SLCO1A2: variants seen among roughly 807,000 people sequenced by gnomAD.
SLCO1A2 encodes solute carrier organic anion transporter family member 1A2.
Under a neutral mutation model 69.0 loss-of-function variants are expected in SLCO1A2, and 67 were observed. The observed-to-expected ratio is 0.97, with a 90% CI of 0.80 to 1.19. The LOEUF (loss-of-function observed/expected upper bound fraction) is 1.19, where lower values mean the gene tolerates loss of function less well. SLCO1A2 is among the 50% of genes most tolerant of loss of function. SLCO1A2 has a pLI of 0.00. For synonymous variants in SLCO1A2, 260 were observed against 265.9 expected, an observed-to-expected ratio of 0.98 and a Z score of 0.22; for missense variants, 787 against 793.7, an observed-to-expected ratio of 0.99 and a Z score of 0.10.
chr12:21,372,008 A>C (rs937130764), intron 2 of SLCO1A2, among the ~76,000 whole-genome samples: 1 of 146,622 alleles, frequency 6.8e-6, no homozygotes, highest in African/African-American at 2.8e-5. Flanking sequence ...CATCTCAAAA[A>C]AAAAGAAAAA....
chr12:21,394,827 AATAAT>A (rs1202703702), intron 1 of SLCO1A2: 5 of 152,196 alleles, frequency 3.3e-5, no homozygotes, highest in Non-Finnish European at 5.9e-5. Flanking sequence ...CACTCAAGCC[AATAAT>A]ATCAATTGCT....
chr12:21,411,840 C>T (rs1306764734), intron 1 of SLCO1A2, among the ~76,000 whole-genome samples: 1 of 151,942 alleles, frequency 6.6e-6, no homozygotes, highest in Non-Finnish European at 1.5e-5. Context: ...CACTCCACCA[C>T]GCCCAGCTAA....
chr12:21,349,282 G>C (rs762697993), intron 2 of SLCO1A2, among the ~76,000 whole-genome samples: 5 of 152,064 alleles, frequency 3.3e-5, no homozygotes, highest in Non-Finnish European at 7.4e-5. Context: ...AGTTGGGGAG[G>C]GGGAAAGATA....
intron 14 of SLCO1A2, among the ~76,000 whole-genome samples, chr12:21,271,735 T>G (rs757879072): frequency 1.8e-4 from 26 of 148,374 alleles, no homozygotes; most frequent in Non-Finnish European, 3.0e-4. Flanking sequence ...ATGTTGCATA[T>G]GTATATTTAC....
rs897927917 is a variant in SLCO1A2 at position 21,373,335 on chromosome 12, AG to A, written c.-63+1063del. The A allele has an allele frequency of 9.5e-6, 15 of 1,578,620 alleles. No individual in the cohort carries two copies. In the African/African-American group the frequency reaches 1.2e-4, roughly 13 times the overall value. On this transcript the variant is annotated intron_variant, in intron 2 of 15. Transcript: ENST00000307378. ...ATTTCAGTGCTGGATTATTCTTTGC[AG>A]AAAATTTGAGAAGCAATGGGCATCC...
chr12:21,363,486 C>G (rs951449801), intron 2 of SLCO1A2, among the ~76,000 whole-genome samples: 8 of 152,070 alleles, frequency 5.3e-5, no homozygotes, highest in Admixed American at 1.3e-4. Flanking sequence ...ATTAAAAGAA[C>G]TACAGAAGCA....
chr12:21,299,787 TATACAC>T (rs370976640), intron 8 of SLCO1A2, among the ~76,000 whole-genome samples: 76 of 116,498 alleles, frequency 6.5e-4, no homozygotes, highest in African/African-American at 2.9e-3. Context: ...TATATATATA[TATACAC>T]ACACACGTAT....
In SLCO1A2 at chr12:21,340,630, G is replaced by T. The variant is rs138819907; in HGVS notation, c.-62-5921C>A. Among the ~76,000 whole-genome samples the T allele has an allele frequency of 2.8e-4, 43 of 152,030 alleles. No homozygotes were observed. The East Asian group carries it at 6.6e-3, about 23-fold the overall frequency. ...GACCACATGGAAAGTCCTTCTATTT[G>T]GAGTTTCACTATGAGGAAATCCACT... On this transcript the variant is annotated intron_variant, in intron 2 of 15. Coordinates refer to the SLCO1A2 transcript ENST00000307378.
intron 2 of SLCO1A2, among the ~76,000 whole-genome samples, chr12:21,351,605 A>G (rs560493508): frequency 6.6e-6 from 1 of 151,870 alleles, no homozygotes; most frequent in Non-Finnish European, 1.5e-5. Flanking sequence ...GTGAAACTCC[A>G]TCTCTACTAA....
intron 2 of SLCO1A2, among the ~76,000 whole-genome samples, chr12:21,343,467 C>T (rs1455106913): frequency 6.6e-6 from 1 of 152,056 alleles, no homozygotes; most frequent in African/African-American, 2.4e-5. Flanking sequence ...TTCTTTCTTG[C>T]TTCTCAAGTG....
At chr12:21,318,411 G>A (rs1017656735) in intron 3 of SLCO1A2, among the ~76,000 whole-genome samples, 25 of 152,064 alleles carry the variant, frequency 1.6e-4, no homozygotes, top group African/African-American at 4.8e-4. Flanking sequence ...GAGCCACCTC[G>A]CCCGGCGGTC....
Position 21,268,963 on chromosome 12 carries a change from T to C in SLCO1A2, c.*585A>G, listed in dbSNP as rs1942349588. ...ACAAATTGAGCAAATGTATGAGTAA[T>C]AAAGAAAAGAAAAAATTGAAAGTAG... On this transcript the variant is annotated 3_prime_UTR_variant, in exon 15 of 15. Transcript: ENST00000683939. 1 of 151,778 alleles carries C rather than the reference T, an allele frequency of 6.6e-6. No homozygotes were observed. The highest frequency in any genetic ancestry group is 2.1e-4 in the South Asian group (1 of 4,824). 9.4% of individuals were successfully genotyped at this position (151,778 alleles called of 1,614,324 possible). A position where few individuals can be genotyped will look rare whatever the true frequency, so the allele number is the denominator to read the frequency against.
intron 2 of SLCO1A2, among the ~76,000 whole-genome samples, chr12:21,368,038 C>T (rs77247085): frequency 0.038 from 5,804 of 152,110 alleles, 153 homozygotes; most frequent in African/African-American, 0.069. Context: ...CAATTATCAG[C>T]AAAGATTGCT....
Position 21,267,523 on chromosome 12 carries a change from A to G in SLCO1A2, c.*2025T>C, listed in dbSNP as rs370294852. 11 of 152,288 alleles carry G rather than the reference A, an allele frequency of 7.2e-5. No individual in the cohort carries two copies. The East Asian group carries it at 1.5e-3, about 21-fold the overall frequency. 9.4% of individuals were successfully genotyped at this position (152,288 alleles called of 1,614,324 possible). A position where few individuals can be genotyped will look rare whatever the true frequency, so the allele number is the denominator to read the frequency against. On this transcript the variant is annotated 3_prime_UTR_variant, in exon 15 of 15. Coordinates refer to ENST00000683939, the MANE Select transcript of SLCO1A2 (RefSeq NM_001386879.1). ...CCTTGAATCCGTAAGAACTAACCTC[A>G]TTATGTCCTCTGCCCCCATTTATGT...
chr12:21,272,254 T>C (rs1011630145), intron 14 of SLCO1A2, among the ~76,000 whole-genome samples: 1 of 151,840 alleles, frequency 6.6e-6, no homozygotes, highest in African/African-American at 2.4e-5. Context: ...TTCATACAGA[T>C]TATATATGTT....
chr12:21,268,414 T>C lies in SLCO1A2; in HGVS notation c.*1134A>G, dbSNP rs939979089. ...AGGGATTTATGTCATTCTTATATAT[T>C]GACTGTCATTTCAACAGGAAGGAGA... On this transcript the variant is annotated 3_prime_UTR_variant, in exon 15 of 15. Transcript: ENST00000683939. The C allele has an allele frequency of 3.9e-5, 6 of 152,124 alleles. No individual in the cohort carries two copies. The highest frequency in any genetic ancestry group is 1.4e-4 in the African/African-American group (6 of 41,442). 9.4% of individuals were successfully genotyped at this position (152,124 alleles called of 1,614,324 possible).
At chr12:21,271,155 AAT>A (rs1240629639) in intron 14 of SLCO1A2, among the ~76,000 whole-genome samples, 1 of 151,820 alleles carries the variant, frequency 6.6e-6, no homozygotes, top group African/African-American at 2.4e-5. Flanking sequence ...GTTCTGAGTG[AAT>A]ATCACATTTT....
intron 4 of SLCO1A2, among the ~76,000 whole-genome samples, chr12:21,314,069 A>G (rs959906570): frequency 6.6e-6 from 1 of 151,950 alleles, no homozygotes; most frequent in Non-Finnish European, 1.5e-5. Context: ...TCTGGAAAGC[A>G]GTAATAAGTG....
chr12:21,400,149 G>T (rs1011852735), upstream of SLCO1A2, among the ~76,000 whole-genome samples: 41 of 152,214 alleles, frequency 2.7e-4, no homozygotes, highest in African/African-American at 8.9e-4. Context: ...CTAATATCCA[G>T]AATCTACAAT....
Sources: allele counts gnomAD v4.1 joint callset (sites outside exome capture counted in the v4.1 genomes callset), GRCh38; gene constraint gnomAD v4.1.1; transcripts MANE v1.5; gene names NCBI Gene and HGNC (gene_info 2026-07-23, HGNC 2026-07-21).